DEPDC1B: variants seen among roughly 807,000 people sequenced by gnomAD.
DEPDC1B encodes the protein DEP domain containing 1B.
Under a neutral mutation model 66.5 loss-of-function variants are expected in DEPDC1B, and 51 were observed. The observed-to-expected ratio is 0.77, with a 90% CI of 0.61 to 0.97. DEPDC1B has a LOEUF of 0.97. Among genes scored for constraint, DEPDC1B ranks in the 50% least tolerant of loss-of-function variants. The probability of loss-of-function intolerance (pLI) is 0.00; values close to 1 mark genes in which losing one functional copy is unlikely to be tolerated. For missense variants in DEPDC1B, 552 were observed against 637.1 expected (o/e 0.87, Z 1.44); for synonymous variants, 226 against 223.6 (o/e 1.01, Z -0.10).
At chr5:60,677,326 A>ACACT (rs770640655) in intron 2 of DEPDC1B, among the ~76,000 whole-genome samples, 1,626 of 108,496 alleles carry the variant, frequency 0.015, 26 homozygotes, top group East Asian at 0.068. Context: ...ACACACACAC[A>ACACT]CTCTCTCTCT....
At chr5:60,699,448 A>AAAAAAAAAAAAAAAAAAC (rs1754729869) in intron 1 of DEPDC1B, among the ~76,000 whole-genome samples, 1 of 149,118 alleles carries the variant, frequency 6.7e-6, no homozygotes, top group Non-Finnish European at 1.5e-5. Flanking sequence ...TCCCAGAAAA[A>AAAAAAAAAAAAAAAAAAC]AAAAAAAAAA....
intron 7 of DEPDC1B, among the ~76,000 whole-genome samples, chr5:60,621,211 C>T (rs745865656): frequency 1.4e-4 from 21 of 151,670 alleles, no homozygotes; most frequent in Non-Finnish European, 3.1e-4. Context: ...ATGGGTGCAG[C>T]ACACCAACAT....
At chr5:60,674,943 T>G (rs1754122138) in intron 2 of DEPDC1B, among the ~76,000 whole-genome samples, 1 of 152,178 alleles carries the variant, frequency 6.6e-6, no homozygotes, top group Non-Finnish European at 1.5e-5. Context: ...AGGAACAATC[T>G]GGTCCTAAAG....
chr5:60,628,766 T>C (rs1752857218), intron 7 of DEPDC1B: 1 of 152,212 alleles, frequency 6.6e-6, no homozygotes, highest in South Asian at 2.1e-4. Flanking sequence ...TTTATGACTT[T>C]TTTTTGCTTT....
At chr5:60,658,923 C>G (rs1753641145) in intron 2 of DEPDC1B, among the ~76,000 whole-genome samples, 1 of 152,230 alleles carries the variant, frequency 6.6e-6, no homozygotes, top group African/African-American at 2.4e-5. Flanking sequence ...ACTTCCACCC[C>G]TCCGGATCCA....
At chr5:60,627,959 C>T (rs1752839727) in intron 7 of DEPDC1B, among the ~76,000 whole-genome samples, 1 of 151,936 alleles carries the variant, frequency 6.6e-6, no homozygotes, top group Non-Finnish European at 1.5e-5. Flanking sequence ...GGTCAACAAA[C>T]CAAAGAACTT....
chr5:60,645,672 G>T lies in DEPDC1B; in HGVS notation c.451-53C>A. On this transcript the variant is annotated intron_variant, in intron 3 of 10. Transcript: ENST00000265036. ...GGGAAGGAGAAACGGTAGAAAGACA[G>T]TGAATAAATATTTCAATATAAGGTG... The T allele has an allele frequency of 2.6e-6, 4 of 1,528,598 alleles. No individual in the cohort carries two copies. In the Admixed American group the frequency reaches 8.1e-5, roughly 31 times the overall value. The allele number at this position is 1,528,598 out of a possible 1,614,324, so 94.7% of individuals were successfully genotyped here.
At chr5:60,621,586 T>C (rs1259108779) in intron 7 of DEPDC1B, among the ~76,000 whole-genome samples, 1 of 151,716 alleles carries the variant, frequency 6.6e-6, no homozygotes, top group African/African-American at 2.4e-5. Context: ...CTAATGTAAA[T>C]GTCGACTTAA....
At chr5:60,665,082 C>A (rs1459076137) in intron 2 of DEPDC1B, among the ~76,000 whole-genome samples, 1 of 152,028 alleles carries the variant, frequency 6.6e-6, no homozygotes, top group Non-Finnish European at 1.5e-5. Context: ...TATAGAGGAC[C>A]CCTAGTATGG....
At chr5:60,677,322 ACACACT>A (rs1754186039) in intron 2 of DEPDC1B, among the ~76,000 whole-genome samples, 1 of 99,612 alleles carries the variant, frequency 1.0e-5, no homozygotes, top group Non-Finnish European at 1.9e-5. Flanking sequence ...ACACACACAC[ACACACT>A]CTCTCTCTCT....
intron 7 of DEPDC1B, among the ~76,000 whole-genome samples, chr5:60,638,057 G>C (rs1753097731): frequency 6.6e-6 from 1 of 152,134 alleles, no homozygotes; most frequent in Non-Finnish European, 1.5e-5. Flanking sequence ...AACAGAATAT[G>C]ATACCCACAC....
rs967364648 is a variant in DEPDC1B at position 60,689,879 on chromosome 5, A to C, written c.49-2652T>G. Reference sequence around the variant, plus strand: ...CATCATGGGGAAACCCCATTTCTACAAAAAATTTAAAAATTGGCCAGGTGT... The same window carrying C: ...CATCATGGGGAAACCCCATTTCTACCAAAAATTTAAAAATTGGCCAGGTGT... On this transcript the variant is annotated intron_variant, in intron 1 of 10. Coordinates refer to ENST00000265036, the MANE Select transcript of DEPDC1B (RefSeq NM_018369.3). Among the ~76,000 whole-genome samples the C allele has an allele frequency of 9.9e-5, 15 of 152,198 alleles. 1 individual carries two copies. The highest frequency in any genetic ancestry group is 9.8e-4 in the Admixed American group (15 of 15,288).
rs552455783 is a variant in DEPDC1B, at chr5:60,607,286, A to G, written c.899-1430T>C. Among the ~76,000 whole-genome samples the G allele has an allele frequency of 1.1e-4, 17 of 152,316 alleles. No individual in the cohort carries two copies. The South Asian group carries it at 2.9e-3, about 26-fold the overall frequency. On this transcript the variant is annotated intron_variant, in intron 7 of 10. Coordinates refer to ENST00000265036, the MANE Select transcript of DEPDC1B (RefSeq NM_018369.3). ...TTGATCCCAAAGGCAGTGGATGTGC[A>G]TGGACGGGAAAGGAGGGCAGAAGAC... is the stretch of plus-strand genomic sequence containing the variant.
At position 60,605,899 on chromosome 5, in the gene DEPDC1B, C is replaced by G. The variant is rs201010729; in HGVS notation, c.899-43G>C. 903 of 1,523,396 alleles carry G rather than the reference C, an allele frequency of 5.9e-4. 9 individuals carry two copies. In the South Asian group the frequency reaches 7.3e-3, roughly 12 times the overall value. 94.4% of individuals were successfully genotyped at this position (1,523,396 alleles called of 1,614,324 possible). A position where few individuals can be genotyped will look rare whatever the true frequency, so the allele number is the denominator to read the frequency against. On this transcript the variant is annotated intron_variant, in intron 7 of 10. Coordinates refer to ENST00000265036, the MANE Select transcript of DEPDC1B (RefSeq NM_018369.3). ...AAATGTTATCTTTCAACACCTATAG[C>G]CTAGTAGATTCTATATGGTTGTATT...
chr5:60,676,895 G>A (rs1392472592), intron 2 of DEPDC1B, among the ~76,000 whole-genome samples: 7 of 152,188 alleles, frequency 4.6e-5, no homozygotes, highest in Non-Finnish European at 4.4e-5. Flanking sequence ...GGGAAATGGT[G>A]GGGAATGTGG....
At chr5:60,668,026 A>T (rs1442611512) in intron 2 of DEPDC1B, among the ~76,000 whole-genome samples, 6 of 110,042 alleles carry the variant, frequency 5.5e-5, no homozygotes, top group Admixed American at 9.2e-5. Context: ...TATATATATA[A>T]AATGGATATT....
At chr5:60,691,338 G>T (rs1028148125) in intron 1 of DEPDC1B, among the ~76,000 whole-genome samples, 2 of 152,154 alleles carry the variant, frequency 1.3e-5, no homozygotes, top group Non-Finnish European at 2.9e-5. Flanking sequence ...ACAGGCATGA[G>T]CCACCACACC....
intron 4 of DEPDC1B, 96 bp downstream of exon 4, chr5:60,645,396 A>G (rs977876551): frequency 1.1e-5 from 13 of 1,211,304 alleles, no homozygotes; most frequent in Non-Finnish European, 1.4e-5. Flanking sequence ...AGATTTTTAT[A>G]CATAATTTCA....
At chr5:60,619,619 A>T (rs1300759210) in intron 7 of DEPDC1B, among the ~76,000 whole-genome samples, 1 of 152,196 alleles carries the variant, frequency 6.6e-6, no homozygotes, top group Non-Finnish European at 1.5e-5. Flanking sequence ...ACTACAAACC[A>T]CTGCTCAAGG....
Sources: allele counts gnomAD v4.1 joint callset (sites outside exome capture counted in the v4.1 genomes callset), GRCh38; gene constraint gnomAD v4.1.1; transcripts MANE v1.5; gene names NCBI Gene and HGNC (gene_info 2026-07-23, HGNC 2026-07-21).